The following RBFOX1 variants were observed in gnomAD, a reference collection of about 807,000 sequenced individuals.
RBFOX1 encodes RNA binding fox-1 homolog 1, also known as RNA binding protein fox-1 homolog 1.
Under a neutral mutation model 57.7 loss-of-function variants are expected in RBFOX1, and 8 were observed. The observed-to-expected ratio is 0.14, with a 90% CI of 0.08 to 0.25. The LOEUF (loss-of-function observed/expected upper bound fraction) is 0.25. RBFOX1 is among the 10% of genes least tolerant of loss of function. The probability of loss-of-function intolerance (pLI) is 1.00; values close to 1 mark genes in which losing one functional copy is unlikely to be tolerated. For synonymous variants in RBFOX1, 326 were observed against 222.4 expected (o/e 1.47, Z -4.15); for missense variants, 611 against 548.5 (o/e 1.11, Z -1.14).
chr16:6,798,869 C>G, intron 3 of RBFOX1, among the ~76,000 whole-genome samples: 1 of 152,106 alleles, frequency 6.6e-6, no homozygotes, highest in East Asian at 1.9e-4. Flanking sequence ...GCAGTTTGAA[C>G]TGATGACTCT....
chr16:7,657,307 A>T (rs1475613741), intron 12 of RBFOX1, among the ~76,000 whole-genome samples: 3 of 152,066 alleles, frequency 2.0e-5, no homozygotes, highest in East Asian at 1.9e-4. Context: ...ATTTCCTTTT[A>T]AAAAAAATTT....
chr16:6,974,721 T>C (rs955237714), intron 3 of RBFOX1, among the ~76,000 whole-genome samples: 1 of 152,090 alleles, frequency 6.6e-6, no homozygotes, highest in Admixed American at 6.6e-5. Context: ...TCCCTTTCCA[T>C]ATTTTTCTTA....
At chr16:6,750,458 C>G (rs188112047) in intron 3 of RBFOX1, among the ~76,000 whole-genome samples, 10 of 152,224 alleles carry the variant, frequency 6.6e-5, no homozygotes, top group African/African-American at 2.2e-4. Context: ...ACCAAAACAC[C>G]CTTTTTAAAA....
chr16:6,698,134 G>A (rs141435533), intron 3 of RBFOX1, among the ~76,000 whole-genome samples: 2 of 152,258 alleles, frequency 1.3e-5, no homozygotes, highest in Admixed American at 6.5e-5. Context: ...TGAATTAAGA[G>A]CTAGAAACCA....
At chr16:7,477,381 C>G (rs2062957371) in intron 4 of RBFOX1, among the ~76,000 whole-genome samples, 1 of 152,066 alleles carries the variant, frequency 6.6e-6, no homozygotes. Flanking sequence ...CAGTTTGGGT[C>G]TATGAAAAGA....
chr16:5,254,544 C>T (rs2151085250), intron 1 of RBFOX1, among the ~76,000 whole-genome samples: 1 of 152,322 alleles, frequency 6.6e-6, no homozygotes, highest in East Asian at 1.9e-4. Flanking sequence ...CGATCTTCAG[C>T]TTCAGTTATG....
intron 1 of RBFOX1, among the ~76,000 whole-genome samples, chr16:5,454,971 CTT>C (rs1555524294): frequency 1.3e-5 from 1 of 75,032 alleles, no homozygotes; most frequent in African/African-American, 4.8e-5. Context: ...TTCTTTCTTT[CTT>C]TCTTTCTTTC....
In RBFOX1 at chr16:5,426,689, T is replaced by G. The variant is rs142540084; in HGVS notation, c.220-40527T>G. Among the ~76,000 whole-genome samples the G allele has an allele frequency of 3.4e-3, 516 of 152,328 alleles. 4 individuals carry two copies. Among genetic ancestry groups the G allele is most frequent in the African/African-American group, 0.012 (497 of 41,580 alleles). ...TCTCTCTGGAGAGGGAACAGCTGCT[T>G]CTTGTGGCTGTTTTTTCTGTTATCG... On this transcript the variant is annotated intron_variant, in intron 1 of 2. Transcript: ENST00000585867.
chr16:5,741,264 A>G (rs2052760389), intron 3 of RBFOX1, among the ~76,000 whole-genome samples: 1 of 152,176 alleles, frequency 6.6e-6, no homozygotes, highest in African/African-American at 2.4e-5. Context: ...GGTCGCCCTG[A>G]AGACTGCAGG....
At chr16:5,778,410 G>T (rs1197672110) in intron 3 of RBFOX1, among the ~76,000 whole-genome samples, 1 of 152,052 alleles carries the variant, frequency 6.6e-6, no homozygotes, top group Non-Finnish European at 1.5e-5. Context: ...CCTTCACCTG[G>T]TTCACAATCT....
chr16:5,610,858 A>G (rs2047757032), intron 3 of RBFOX1, among the ~76,000 whole-genome samples: 1 of 152,050 alleles, frequency 6.6e-6, no homozygotes, highest in African/African-American at 2.4e-5. Context: ...ACAGAGCAAG[A>G]CCCTATCTGT....
intron 3 of RBFOX1, among the ~76,000 whole-genome samples, chr16:6,965,125 C>G (rs1445309089): frequency 6.6e-6 from 1 of 151,994 alleles, no homozygotes; most frequent in Non-Finnish European, 1.5e-5. Context: ...GACTCTGCCT[C>G]CATGGTTCTC....
intron 3 of RBFOX1, among the ~76,000 whole-genome samples, chr16:5,695,489 C>T (rs529782891): frequency 1.1e-4 from 16 of 152,238 alleles, no homozygotes; most frequent in Admixed American, 7.8e-4. Flanking sequence ...CTATGAAAAC[C>T]ACTAGGTGAA....
chr16:5,853,560 G>T (rs973171874), intron 3 of RBFOX1, among the ~76,000 whole-genome samples: 2 of 152,158 alleles, frequency 1.3e-5, no homozygotes, highest in Non-Finnish European at 2.9e-5. Flanking sequence ...ACGGTTACAT[G>T]CCTTTCTTTT....
chr16:6,742,449 C>A (rs1042387991), intron 3 of RBFOX1, among the ~76,000 whole-genome samples: 8 of 152,106 alleles, frequency 5.3e-5, no homozygotes, highest in Admixed American at 1.3e-4. Context: ...TAGACATTTA[C>A]CAATGAGTCA....
At chr16:7,540,769 G>T (rs577822238) in intron 5 of RBFOX1, among the ~76,000 whole-genome samples, 1 of 152,298 alleles carries the variant, frequency 6.6e-6, no homozygotes, top group African/African-American at 2.4e-5. Context: ...AGTTCATGTT[G>T]TCATCCCAGC....
rs574837445 is a variant in RBFOX1, at chr16:7,277,653, C to T, written c.27+225555C>T. ...TCAGTGGTAGGGTTCCTTAAAGGCC[C>T]AAGAAGCTTGAGAGAAGTCTACCAG... is the stretch of plus-strand genomic sequence containing the variant. On this transcript the variant is annotated intron_variant, in intron 4 of 15. Coordinates refer to ENST00000550418, the MANE Select transcript of RBFOX1 (RefSeq NM_018723.4). Among the ~76,000 whole-genome samples, 52 of 152,032 alleles carry T rather than the reference C, an allele frequency of 3.4e-4. 1 individual carries two copies. The highest frequency in any genetic ancestry group is 1.2e-3 in the African/African-American group (51 of 41,480).
At chr16:7,223,883 T>A (rs934651512) in intron 4 of RBFOX1, among the ~76,000 whole-genome samples, 1 of 152,000 alleles carries the variant, frequency 6.6e-6, no homozygotes, top group Admixed American at 6.5e-5. Context: ...TTATGGCTGG[T>A]TGGTGAGCAT....
intron 3 of RBFOX1, among the ~76,000 whole-genome samples, chr16:6,699,992 C>T (rs1435027110): frequency 1.3e-5 from 2 of 152,144 alleles, no homozygotes; most frequent in Non-Finnish European, 2.9e-5. Context: ...AGCTAGCTGA[C>T]ATACATGTTT....
Sources: allele counts gnomAD v4.1 joint callset (sites outside exome capture counted in the v4.1 genomes callset), GRCh38; gene constraint gnomAD v4.1.1; transcripts MANE v1.5; gene names NCBI Gene and HGNC (gene_info 2026-07-23, HGNC 2026-07-21).